Variants in ATF6 observed in about 807,000 individuals in gnomAD.
ATF6 encodes the protein cyclic AMP-dependent transcription factor ATF-6 alpha.
ATF6 carries 53 observed loss-of-function variants against 83.6 expected under a neutral mutation model. The observed-to-expected ratio is 0.63, with a 90% CI of 0.51 to 0.80. ATF6 has a LOEUF of 0.80. Ranked by LOEUF, ATF6 falls within the 30% of genes least tolerant of loss-of-function variation. The probability of loss-of-function intolerance (pLI) is 0.00; values close to 1 mark genes in which losing one functional copy is unlikely to be tolerated. For missense variants in ATF6, 744 were observed against 797.9 expected (o/e 0.93, Z 0.81); for synonymous variants, 288 against 285.8 (o/e 1.01, Z -0.08).
chr1:161,958,427 T>C lies in ATF6; in HGVS notation c.1805-19T>C. ...CATTCTGTTGAATATTTATTCTTTG[T>C]GTATATTCCTGTCTGCAGAGAATGT... On this transcript the variant is annotated intron_variant, in intron 15 of 15. Transcript: ENST00000367942. The C allele has an allele frequency of 9.6e-6, 15 of 1,567,586 alleles. No individual in the cohort carries two copies. Among genetic ancestry groups the C allele is most frequent in the Non-Finnish European group, 1.3e-5 (15 of 1,154,664 alleles).
intron 7 of ATF6, among the ~76,000 whole-genome samples, chr1:161,805,370 A>C (rs1303583805): frequency 6.6e-6 from 1 of 152,210 alleles, no homozygotes; most frequent in African/African-American, 2.4e-5. Context: ...TTTATGTTTA[A>C]TGCAAAGAGA....
intron 14 of ATF6, among the ~76,000 whole-genome samples, chr1:161,889,853 C>T (rs1339155725): frequency 2.0e-5 from 3 of 152,140 alleles, no homozygotes; most frequent in African/African-American, 7.2e-5. Context: ...TAGAAGAGCA[C>T]AGAATTTGTC....
intron 15 of ATF6, among the ~76,000 whole-genome samples, chr1:161,938,752 A>C (rs1224241237): frequency 1.3e-5 from 2 of 152,246 alleles, no homozygotes; most frequent in East Asian, 3.8e-4. Context: ...TCCTTTAAGA[A>C]GGTGAGTTTC....
chr1:161,845,947 A>G (rs1394331392), intron 9 of ATF6, among the ~76,000 whole-genome samples: 2 of 152,112 alleles, frequency 1.3e-5, no homozygotes, highest in Non-Finnish European at 2.9e-5. Context: ...AAATAGAAGT[A>G]TTTAAAAAAT....
At chr1:161,891,588 CG>C (rs1259200155) in intron 14 of ATF6, 1 of 152,106 alleles carries the variant, frequency 6.6e-6, no homozygotes, top group Non-Finnish European at 1.5e-5. Context: ...GCTGCACCTA[CG>C]GAACGAGTAT....
chr1:161,948,127 G>A (rs893827872), intron 15 of ATF6, among the ~76,000 whole-genome samples: 3 of 152,054 alleles, frequency 2.0e-5, no homozygotes, highest in African/African-American at 4.8e-5. Flanking sequence ...TGAAGAAAGG[G>A]TACGTTCCTA....
chr1:161,773,692 A>G (rs1393171271), intron 1 of ATF6, among the ~76,000 whole-genome samples: 1 of 152,152 alleles, frequency 6.6e-6, no homozygotes, highest in African/African-American at 2.4e-5. Flanking sequence ...TGAGGTGGGA[A>G]AGTTTGTTGA....
At position 161,961,287 on chromosome 1, in the gene ATF6, C is replaced by A. The variant is rs190424105; in HGVS notation, c.*2633C>A. ...AGAGCTAGGGGTGCCTGTAAGGTGC[C>A]GCCTAGAGCAGCCTGGGAGCTTTGC... On this transcript the variant is annotated 3_prime_UTR_variant, in exon 16 of 16. Transcript: ENST00000367942. 6.6e-6 allele frequency: 1 copy of A among 152,328 alleles called. No individual in the cohort carries two copies. Among genetic ancestry groups the A allele is most frequent in the East Asian group, 1.9e-4 (1 of 5,172 alleles). The allele number at this position is 152,328 out of a possible 1,614,324, so 9.4% of individuals were successfully genotyped here. A position where few individuals can be genotyped will look rare whatever the true frequency, so the allele number is the denominator to read the frequency against.
At chr1:161,798,072 A>G (rs966948341) in intron 6 of ATF6, among the ~76,000 whole-genome samples, 5 of 152,212 alleles carry the variant, frequency 3.3e-5, no homozygotes, top group Non-Finnish European at 7.3e-5. Flanking sequence ...AGGACTGCCT[A>G]TTCAATAAAT....
chr1:161,869,889 A>G (rs1687085493), intron 14 of ATF6, among the ~76,000 whole-genome samples: 1 of 151,818 alleles, frequency 6.6e-6, no homozygotes, highest in African/African-American at 2.4e-5. Context: ...CCTTACATAT[A>G]ATCACAAGTA....
chr1:161,766,582 G>T, intron 1 of ATF6, 140 bp downstream of exon 1: 1 of 663,190 alleles, frequency 1.5e-6, no homozygotes, highest in Admixed American at 3.0e-5. Context: ...TCCTGTTCGT[G>T]CCCCTGGAAG....
chr1:161,805,098 T>C (rs920382591), intron 7 of ATF6, among the ~76,000 whole-genome samples: 1 of 152,194 alleles, frequency 6.6e-6, no homozygotes, highest in Non-Finnish European at 1.5e-5. Context: ...TAATTGAGAC[T>C]TTGTCAGCAA....
intron 15 of ATF6, among the ~76,000 whole-genome samples, chr1:161,915,544 C>T (rs1688078906): frequency 6.6e-6 from 1 of 152,146 alleles, no homozygotes; most frequent in Non-Finnish European, 1.5e-5. Flanking sequence ...TGCTCAAAGA[C>T]TTTACTCTGC....
chr1:161,845,219 AACT>A (rs1315224430), intron 9 of ATF6, among the ~76,000 whole-genome samples: 1 of 152,166 alleles, frequency 6.6e-6, no homozygotes, highest in Non-Finnish European at 1.5e-5. Flanking sequence ...TTTGGAGACA[AACT>A]ACTATTATCT....
At chr1:161,796,461 G>A (rs971053909) in intron 6 of ATF6, among the ~76,000 whole-genome samples, 1 of 152,160 alleles carries the variant, frequency 6.6e-6, no homozygotes, top group Non-Finnish European at 1.5e-5. Context: ...TGGACCCTGG[G>A]ATGTGGGTGA....
chr1:161,820,015 C>T (rs1043723258), intron 8 of ATF6, among the ~76,000 whole-genome samples, 197 bp downstream of exon 8: 12 of 152,198 alleles, frequency 7.9e-5, no homozygotes, highest in Admixed American at 6.5e-4. Flanking sequence ...CCCCAATCTA[C>T]ATAGAAAAGT....
chr1:161,799,303 A>G (rs1230444363), intron 6 of ATF6, among the ~76,000 whole-genome samples: 1 of 152,074 alleles, frequency 6.6e-6, no homozygotes, highest in Non-Finnish European at 1.5e-5. Context: ...GCTGAAGGCC[A>G]TTATCCTAAG....
chr1:161,833,281 T>G (rs1657345194), intron 9 of ATF6, among the ~76,000 whole-genome samples: 1 of 152,038 alleles, frequency 6.6e-6, no homozygotes, highest in Non-Finnish European at 1.5e-5. Context: ...AGACCAAAGA[T>G]AGATAAAACC....
chr1:161,872,477 A>G (rs1434933860), intron 14 of ATF6, among the ~76,000 whole-genome samples: 2 of 151,628 alleles, frequency 1.3e-5, no homozygotes, highest in Admixed American at 6.6e-5. Flanking sequence ...ATGTTACTCA[A>G]AGTAATAGTG....
Sources: gnomAD v4.1 joint callset for allele counts (sites outside exome capture counted in the v4.1 genomes callset) on GRCh38, gnomAD v4.1.1 for gene constraint, MANE v1.5 for transcripts, NCBI Gene and HGNC (gene_info 2026-07-23, HGNC 2026-07-21) for gene names.